Variants in PARP8 observed in about 807,000 individuals in gnomAD.
The protein encoded by PARP8 is protein mono-ADP-ribosyltransferase PARP8.
In PARP8, 51 loss-of-function variants were observed where a neutral mutation model predicts 124.1. The observed-to-expected ratio is 0.41, with a 90% CI of 0.33 to 0.52. PARP8 has a LOEUF of 0.52. Ranked by LOEUF, PARP8 falls within the 20% of genes least tolerant of loss-of-function variation. The pLI is 0.21. For missense variants in PARP8, 860 were observed against 1,018.9 expected (o/e 0.84, Z 2.12); for synonymous variants, 391 against 361.5 (o/e 1.08, Z -0.93).
intron 15 of PARP8, among the ~76,000 whole-genome samples, chr5:50,817,741 A>G (rs1041674770): frequency 6.6e-6 from 1 of 152,202 alleles, no homozygotes; most frequent in Non-Finnish European, 1.5e-5. Flanking sequence ...ACTACATTGT[A>G]TACCCTTAGG....
intron 2 of PARP8, among the ~76,000 whole-genome samples, chr5:50,727,979 C>T (rs1011070862): frequency 1.3e-5 from 2 of 152,146 alleles, no homozygotes; most frequent in African/African-American, 4.8e-5. Flanking sequence ...TACTTTCCAC[C>T]TGTGTTGGCA....
chr5:50,707,936 C>T (rs989591086), intron 2 of PARP8, among the ~76,000 whole-genome samples: 1 of 152,076 alleles, frequency 6.6e-6, no homozygotes, highest in Non-Finnish European at 1.5e-5. Flanking sequence ...TTCCTTACCA[C>T]ACGATCTCGC....
At chr5:50,760,483 A>G in intron 5 of PARP8, 121 bp downstream of exon 5, 1 of 792,302 alleles carries the variant, frequency 1.3e-6, no homozygotes, top group Non-Finnish European at 1.7e-6. Flanking sequence ...ATGAAACTCA[A>G]GCTAATGGCT....
intron 2 of PARP8, among the ~76,000 whole-genome samples, chr5:50,747,150 G>GTTTTTTTTTTTTTTTTTTTTTTTTTTT (rs1561320439): frequency 5.2e-5 from 2 of 38,482 alleles, no homozygotes; most frequent in African/African-American, 1.4e-4. Flanking sequence ...GGTTTTTTTT[G>GTTTTTTTTTTTTTTTTTTTTTTTTTTT]TTTGTTTGTT....
At chr5:50,744,821 T>A (rs1758383148) in intron 2 of PARP8, 9 of 688,114 alleles carry the variant, frequency 1.3e-5, no homozygotes. Context: ...AGATTTTGCT[T>A]TCTTCTCATG....
At chr5:50,707,255 G>A (rs1011860114) in intron 2 of PARP8, among the ~76,000 whole-genome samples, 3 of 151,958 alleles carry the variant, frequency 2.0e-5, no homozygotes, top group African/African-American at 7.2e-5. Context: ...TTAACATAAA[G>A]ATATAATCAG....
chr5:50,797,717 A>G (rs941199350), intron 14 of PARP8, among the ~76,000 whole-genome samples: 4 of 152,208 alleles, frequency 2.6e-5, no homozygotes, highest in African/African-American at 7.2e-5. Flanking sequence ...CACATTTGGG[A>G]TATTATCAAA....
At chr5:50,755,190 T>A (rs1759787001) in intron 3 of PARP8, among the ~76,000 whole-genome samples, 1 of 152,198 alleles carries the variant, frequency 6.6e-6, no homozygotes. Flanking sequence ...TTTAATTAGA[T>A]CCCATTTGCC....
intron 3 of PARP8, among the ~76,000 whole-genome samples, 176 bp downstream of exon 3, chr5:50,750,364 G>A: frequency 6.6e-6 from 1 of 152,050 alleles, no homozygotes; most frequent in Non-Finnish European, 1.5e-5. Flanking sequence ...CTTACTCTGA[G>A]ACACAGTGCA....
Position 50,797,168 on chromosome 5 carries a change from G to T in PARP8, c.1510G>T (p.Val504Leu). 6.2e-7 allele frequency: 1 copy of T among 1,613,206 alleles called. No homozygotes were observed. Residue 504 changes from valine (V) to leucine (L), a missense_variant, in exon 14 of 26, where the codon GTA becomes TTA. By Grantham distance (32) the Val-to-Leu change is conservative. Transcript: ENST00000281631. ...TGAGTTTGCTGAACAGCGGATCCCTGTATTAAATGAATATTGTGTGGTTTG... is the reference window on the plus strand; with the variant it reads ...TGAGTTTGCTGAACAGCGGATCCCTTTATTAAATGAATATTGTGTGGTTTG... Reference protein sequence around the residue: ...TIEFAEQRIPVLNEYCVVCDE... With the variant: ...TIEFAEQRIPLLNEYCVVCDE...
At chr5:50,837,755 G>GA (rs956944513) in intron 25 of PARP8, among the ~76,000 whole-genome samples, 8 of 146,332 alleles carry the variant, frequency 5.5e-5, no homozygotes, top group East Asian at 2.0e-4. Context: ...TGGTGCATCA[G>GA]AAAAAAAATG....
rs1224580928 is a variant in PARP8, at chr5:50,842,889, A to G, written c.*821A>G. The G allele has an allele frequency of 1.3e-5, 2 of 151,766 alleles. No individual in the cohort carries two copies. The highest frequency in any genetic ancestry group is 3.9e-4 in the East Asian group (2 of 5,170). The allele number at this position is 151,766 out of a possible 1,614,324, so 9.4% of individuals were successfully genotyped here. On this transcript the variant is annotated 3_prime_UTR_variant, in exon 26 of 26. Coordinates refer to ENST00000281631, the MANE Select transcript of PARP8 (RefSeq NM_024615.4). ...CCTTTTAAAATGTTATCTAAAAGTC[A>G]TAATTTGGGGAACATACATGGCCTG...
rs181026916 is a variant in PARP8 at position 50,797,474 on chromosome 5, A to G, written c.1575+241A>G. ...TTTTACATATGTTTATCTAACAGCT[A>G]TTTATCCATCTACACCTATATCAAC... On this transcript the variant is annotated intron_variant, in intron 14 of 25. Transcript: ENST00000281631. Among the ~76,000 whole-genome samples, 65 of 152,204 alleles carry G rather than the reference A, an allele frequency of 4.3e-4. 1 individual carries two copies. Among genetic ancestry groups the G allele is most frequent in the Admixed American group, 3.1e-3 (47 of 15,302 alleles).
intron 16 of PARP8, 130 bp downstream of exon 16, chr5:50,821,468 T>A: frequency 9.8e-7 from 1 of 1,016,804 alleles, no homozygotes; most frequent in East Asian, 2.5e-5. Flanking sequence ...CCATGAGTAT[T>A]TAATTTCATC....
At chr5:50,829,200 C>T (rs1475027627) in intron 21 of PARP8, among the ~76,000 whole-genome samples, 4 of 152,056 alleles carry the variant, frequency 2.6e-5, no homozygotes, top group African/African-American at 7.2e-5. Context: ...TTATTTATGC[C>T]TTTCATCCTG....
At chr5:50,682,057 C>T (rs1751354242) in intron 2 of PARP8, among the ~76,000 whole-genome samples, 1 of 152,120 alleles carries the variant, frequency 6.6e-6, no homozygotes, top group African/African-American at 2.4e-5. Flanking sequence ...ACTATTATTT[C>T]ATATCCTTTG....
intron 2 of PARP8, among the ~76,000 whole-genome samples, chr5:50,677,314 CA>C (rs35154231): frequency 0.71 from 92,065 of 128,928 alleles, 32,609 homozygotes; most frequent in East Asian, 0.94. Context: ...AGATATGCAG[CA>C]AAAAAAAAAA....
chr5:50,741,090 A>G (rs1757997835), intron 2 of PARP8, among the ~76,000 whole-genome samples: 1 of 152,166 alleles, frequency 6.6e-6, no homozygotes, highest in Non-Finnish European at 1.5e-5. Context: ...ACTTGAACTT[A>G]GATATAAAAC....
At chr5:50,715,755 A>G (rs374747025) in intron 2 of PARP8, among the ~76,000 whole-genome samples, 1 of 152,124 alleles carries the variant, frequency 6.6e-6, no homozygotes, top group Non-Finnish European at 1.5e-5. Context: ...GCAAATTTCT[A>G]TGCTTGTATG....
Sources: gnomAD v4.1 joint callset for allele counts (sites outside exome capture counted in the v4.1 genomes callset) on GRCh38, gnomAD v4.1.1 for gene constraint, MANE v1.5 for transcripts, NCBI Gene and HGNC (gene_info 2026-07-23, HGNC 2026-07-21) for gene names.